The following MAML2 variants were observed in gnomAD, a reference collection of about 807,000 sequenced individuals.
The protein encoded by MAML2 is mastermind-like protein 2.
MAML2 carries 22 observed loss-of-function variants against 96.1 expected under a neutral mutation model. The ratio of observed to expected loss-of-function variants is 0.23; its 90% CI spans 0.16 to 0.33. The LOEUF (loss-of-function observed/expected upper bound fraction) is 0.33, where lower values mean the gene tolerates loss of function less well. Ranked by LOEUF, MAML2 falls within the 10% of genes least tolerant of loss-of-function variation. The pLI, the probability that MAML2 is intolerant of heterozygous loss-of-function variation, is 1.00. For missense variants in MAML2, 1,367 were observed against 1,392.4 expected, an observed-to-expected ratio of 0.98 and a Z score of 0.29; for synonymous variants, 561 against 521.3, an observed-to-expected ratio of 1.08 and a Z score of -1.04.
chr11:96,313,992 G>C (rs1863591715), intron 1 of MAML2, among the ~76,000 whole-genome samples: 1 of 152,202 alleles, frequency 6.6e-6, no homozygotes, highest in Admixed American at 6.5e-5. Flanking sequence ...TAGGAGCACA[G>C]TAATTCATCT....
intron 2 of MAML2, among the ~76,000 whole-genome samples, chr11:96,013,393 C>A (rs944122345): frequency 6.6e-6 from 1 of 152,116 alleles, no homozygotes; most frequent in African/African-American, 2.4e-5. Flanking sequence ...TAAAATCCAA[C>A]CACAAAGTGA....
At chr11:96,227,465 G>A (rs115471623) in intron 1 of MAML2, among the ~76,000 whole-genome samples, 4 of 152,252 alleles carry the variant, frequency 2.6e-5, no homozygotes, top group African/African-American at 9.6e-5. Context: ...CCCAGTGCCT[G>A]GCACACTGTG....
Position 95,978,093 on chromosome 11 carries a change from G to A in MAML2, c.*855C>T, listed in dbSNP as rs1857675319. ...TCAATCATAATAAGCAACATCCCAG[G>A]TTATTTGTAGCCAAATAAATCTTAT... On this transcript the variant is annotated 3_prime_UTR_variant, in exon 5 of 5. Transcript: ENST00000524717. 2 of 216,424 alleles carry A rather than the reference G, an allele frequency of 9.2e-6. No individual in the cohort carries two copies. The highest frequency in any genetic ancestry group is 1.9e-5 in the Non-Finnish European group (2 of 107,620). The allele number at this position is 216,424 out of a possible 1,614,324, so 13.4% of individuals were successfully genotyped here.
chr11:96,287,242 A>G (rs1034834808), intron 1 of MAML2, among the ~76,000 whole-genome samples: 1 of 152,234 alleles, frequency 6.6e-6, no homozygotes, highest in Non-Finnish European at 1.5e-5. Flanking sequence ...TTTGATTAAT[A>G]ACGTCTGCTA....
At chr11:96,136,060 A>T (rs1860626275) in intron 1 of MAML2, among the ~76,000 whole-genome samples, 2 of 151,344 alleles carry the variant, frequency 1.3e-5, no homozygotes, top group Admixed American at 6.6e-5. Context: ...GAACTCAATT[A>T]TACGTGATAT....
At chr11:96,275,161 C>A (rs1862969861) in intron 1 of MAML2, among the ~76,000 whole-genome samples, 1 of 151,904 alleles carries the variant, frequency 6.6e-6, no homozygotes, top group Non-Finnish European at 1.5e-5. Context: ...CAGAGAATAA[C>A]CTTTGTGCCC....
At chr11:96,155,547 T>TATATATATATATATATAC (rs1860999245) in intron 1 of MAML2, among the ~76,000 whole-genome samples, 1 of 119,692 alleles carries the variant, frequency 8.4e-6, no homozygotes, top group African/African-American at 3.2e-5. Context: ...TATATATATA[T>TATATATATATATATATAC]ATATGAGGAA....
chr11:96,253,588 C>G (rs1440088214), intron 1 of MAML2, among the ~76,000 whole-genome samples: 5 of 152,246 alleles, frequency 3.3e-5, no homozygotes, highest in Non-Finnish European at 7.3e-5. Context: ...TGGTAGTACA[C>G]TGACAGAGAT....
rs1053844813 is a variant in MAML2, at chr11:96,298,710, A to T, written c.513+42673T>A. 1.8e-4 allele frequency among the ~76,000 whole-genome samples: 26 copies of T among 146,888 alleles called. No individual in the cohort carries two copies. In the East Asian group the frequency reaches 5.1e-3, roughly 29 times the overall value. On this transcript the variant is annotated intron_variant, in intron 1 of 4. Coordinates refer to ENST00000524717, the MANE Select transcript of MAML2 (RefSeq NM_032427.4). The stretch of plus-strand genomic sequence containing the variant: ...ATGTATATGTGTGTATGTGTGTATA[A>T]ATATATATATATTAAATACATAATA...
At chr11:96,215,857 T>C (rs1862041664) in intron 1 of MAML2, among the ~76,000 whole-genome samples, 1 of 152,088 alleles carries the variant, frequency 6.6e-6, no homozygotes, top group African/African-American at 2.4e-5. Flanking sequence ...GTCCAGAAAT[T>C]ACAGAACAAC....
chr11:96,014,541 A>G (rs187197967), intron 2 of MAML2, among the ~76,000 whole-genome samples: 30 of 152,362 alleles, frequency 2.0e-4, no homozygotes, highest in African/African-American at 6.3e-4. Flanking sequence ...GGTGGTCTCA[A>G]ACTACATTCT....
chr11:96,053,025 G>C (rs557267003), intron 2 of MAML2, among the ~76,000 whole-genome samples: 1 of 152,326 alleles, frequency 6.6e-6, no homozygotes, highest in Non-Finnish European at 1.5e-5. Context: ...ACTCCATTCA[G>C]CACTCCACTT....
At chr11:96,119,699 T>C (rs1266460727) in intron 1 of MAML2, among the ~76,000 whole-genome samples, 2 of 152,224 alleles carry the variant, frequency 1.3e-5, no homozygotes, top group African/African-American at 4.8e-5. Context: ...ACCACTTGGC[T>C]CTCTCTCTTA....
intron 1 of MAML2, among the ~76,000 whole-genome samples, chr11:96,196,832 C>T (rs984128402): frequency 1.1e-4 from 16 of 150,424 alleles, no homozygotes; most frequent in African/African-American, 2.9e-4. Context: ...TTGTTCTCCC[C>T]ACCTATACCT....
chr11:96,051,943 T>C (rs147301757), intron 2 of MAML2, among the ~76,000 whole-genome samples: 86 of 152,324 alleles, frequency 5.6e-4, no homozygotes, highest in African/African-American at 2.0e-3. Flanking sequence ...ATTGTGGCAT[T>C]GTATGTCTTC....
At chr11:96,059,538 G>A (rs760687389) in intron 2 of MAML2, among the ~76,000 whole-genome samples, 5 of 152,124 alleles carry the variant, frequency 3.3e-5, no homozygotes, top group East Asian at 1.9e-4. Context: ...ATCCTATTTC[G>A]TGTACAAGTT....
intron 1 of MAML2, among the ~76,000 whole-genome samples, chr11:96,310,871 C>T (rs1863533213): frequency 6.6e-6 from 1 of 152,182 alleles, no homozygotes; most frequent in Non-Finnish European, 1.5e-5. Context: ...TCTTCTAAGG[C>T]ATATTTTACA....
At chr11:96,080,847 G>A (rs2135798339) in intron 2 of MAML2, among the ~76,000 whole-genome samples, 1 of 152,236 alleles carries the variant, frequency 6.6e-6, no homozygotes, top group South Asian at 2.1e-4. Flanking sequence ...CATATTGAAA[G>A]GTTTCAGAAA....
rs1157893034 is a variant in MAML2, at chr11:96,159,404, A to ATTTTTTTTTTTTTTTTTT, written c.514-65888_514-65887insAAAAAAAAAAAAAAAAAA. Among the ~76,000 whole-genome samples the ATTTTTTTTTTTTTTTTTT allele has an allele frequency of 5.6e-3, 346 of 61,888 alleles. 78 individuals carry two copies. The highest frequency in any genetic ancestry group is 0.015 in the East Asian group (21 of 1,424). 40.6% of individuals were successfully genotyped at this position (61,888 alleles called of 152,430 possible). On this transcript the variant is annotated intron_variant, in intron 1 of 4. Coordinates refer to ENST00000524717, the MANE Select transcript of MAML2 (RefSeq NM_032427.4). ...TACTAACCGTGCCTCTAAACCACTGATTCTTTTTTTTTTTTTTTTTTTTTT... is the reference window on the plus strand; with the variant it reads ...TACTAACCGTGCCTCTAAACCACTGATTTTTTTTTTTTTTTTTTTTCTTTTTTTTTTTTTTTTTTTTTT...
Sources: allele counts gnomAD v4.1 joint callset (sites outside exome capture counted in the v4.1 genomes callset), GRCh38; gene constraint gnomAD v4.1.1; transcripts MANE v1.5; gene names NCBI Gene and HGNC (gene_info 2026-07-23, HGNC 2026-07-21).